ARHGAP32: variants seen among roughly 807,000 people sequenced by gnomAD.
ARHGAP32 encodes rho GTPase-activating protein 32.
ARHGAP32 carries 51 observed loss-of-function variants against 186.5 expected under a neutral mutation model. That is an observed-to-expected ratio of 0.27 (90% CI 0.22 to 0.35). The LOEUF (loss-of-function observed/expected upper bound fraction) is 0.35, where lower values mean the gene tolerates loss of function less well. Ranked by LOEUF, ARHGAP32 falls within the 10% of genes least tolerant of loss-of-function variation. The probability of loss-of-function intolerance (pLI) is 1.00; values close to 1 mark genes in which losing one functional copy is unlikely to be tolerated. For missense variants in ARHGAP32, 2,186 were observed against 2,623.5 expected (o/e 0.83, Z 3.64); for synonymous variants, 950 against 964.3 (o/e 0.99, Z 0.27).
chr11:129,028,633 C>G (rs1234786062), intron 11 of ARHGAP32, among the ~76,000 whole-genome samples: 1 of 152,082 alleles, frequency 6.6e-6, no homozygotes, highest in East Asian at 1.9e-4. Flanking sequence ...ACACACACAG[C>G]CTGGGGAGGA....
At chr11:129,142,741 T>C (rs1470407275) in intron 2 of ARHGAP32, among the ~76,000 whole-genome samples, 1 of 151,144 alleles carries the variant, frequency 6.6e-6, no homozygotes, top group Non-Finnish European at 1.5e-5. Context: ...ACCACTAAAA[T>C]ATGCATGGGG....
chr11:129,213,607 AATG>A (rs1346389863), intron 1 of ARHGAP32, among the ~76,000 whole-genome samples: 6 of 152,190 alleles, frequency 3.9e-5, no homozygotes, highest in Non-Finnish European at 4.4e-5. Flanking sequence ...GATAATATTA[AATG>A]ATGTTAGTAA....
intron 2 of ARHGAP32, among the ~76,000 whole-genome samples, chr11:129,161,034 G>A (rs1037343910): frequency 5.3e-5 from 8 of 152,062 alleles, no homozygotes; most frequent in Non-Finnish European, 8.8e-5. Flanking sequence ...TGACAAACCT[G>A]ACAAAAACAA....
chr11:128,969,793 C>T lies in ARHGAP32; in HGVS notation c.5420G>A (p.Arg1807His), dbSNP rs781447623. 56 of 1,614,014 alleles carry T rather than the reference C, an allele frequency of 3.5e-5. No individual in the cohort carries two copies. Among genetic ancestry groups the T allele is most frequent in the African/African-American group, 1.1e-4 (8 of 74,902 alleles). ...AGTTTTCCCAGGATCTGATTTACTA[C>T]GCAGATGGATGACATAGATCCCACC... ...DLGGIYVIHL[R>H]SKSDPGKTGL... is the part of the protein sequence containing the mutation. Residue 1807 changes from arginine (R) to histidine (H), a missense_variant, in exon 23 of 23, where the codon CGT becomes CAT. This residue lies in a region of ARHGAP32 where 1,502 missense variants were observed against 1,570.0 expected (regional missense o/e 0.96). Coordinates refer to ENST00000682385, the MANE Select transcript of ARHGAP32 (RefSeq NM_001378024.1). The surrounding 1 kb of genome is among the most constrained non-coding windows in gnomAD (Gnocchi z 4.8).
intron 1 of ARHGAP32, among the ~76,000 whole-genome samples, chr11:129,237,189 G>A (rs1330211582): frequency 1.3e-5 from 2 of 152,146 alleles, no homozygotes; most frequent in Non-Finnish European, 1.5e-5. Context: ...AATGTTCATC[G>A]GGGGTACTGG....
At chr11:129,115,940 A>G (rs759140773) in intron 5 of ARHGAP32, among the ~76,000 whole-genome samples, 6 of 152,112 alleles carry the variant, frequency 3.9e-5, no homozygotes, top group Non-Finnish European at 5.9e-5. Context: ...TTCAAGTTTC[A>G]TAAGTGCAGA....
Position 128,980,696 on chromosome 11 carries a change from C to T in ARHGAP32, c.1833G>A (p.Leu611=). ...SLLVSSPSTK[L]LTLEEAQART... ...GTGCCTGGGCCTCTTCCAATGTCAGCAGTTTGGTGGATGGAGAGGATACCA... is the reference window on the plus strand; with the variant it reads ...GTGCCTGGGCCTCTTCCAATGTCAGTAGTTTGGTGGATGGAGAGGATACCA... Residue 611 remains leucine (L), a synonymous_variant, in exon 18 of 23, where the codon CTG becomes CTA. Coordinates refer to ENST00000682385, the MANE Select transcript of ARHGAP32 (RefSeq NM_001378024.1). 6.2e-7 allele frequency: 1 copy of T among 1,613,916 alleles called. No individual in the cohort carries two copies. The highest frequency in any genetic ancestry group is 8.5e-7 in the Non-Finnish European group (1 of 1,179,916).
intron 2 of ARHGAP32, among the ~76,000 whole-genome samples, chr11:129,149,731 T>C (rs1943247349): frequency 6.6e-6 from 1 of 152,086 alleles, no homozygotes; most frequent in South Asian, 2.1e-4. Flanking sequence ...AACAGGATTC[T>C]ACACTACCAC....
At position 129,042,992 on chromosome 11, in the gene ARHGAP32, G is replaced by A. The variant is rs539132483; in HGVS notation, c.964-1983C>T. On this transcript the variant is annotated intron_variant, in intron 10 of 22. Coordinates refer to ENST00000682385, the MANE Select transcript of ARHGAP32 (RefSeq NM_001378024.1). ...TAAAAGTCATTCCACAAAGTGGTGT[G>A]TTTCAATGCAAAGGCTAGAGAACTG... 3.3e-5 allele frequency among the ~76,000 whole-genome samples: 5 copies of A among 152,330 alleles called. No homozygotes were observed. The East Asian group carries it at 7.7e-4, about 24-fold the overall frequency.
chr11:129,057,277 G>C (rs1033686615), intron 10 of ARHGAP32, among the ~76,000 whole-genome samples: 1 of 152,056 alleles, frequency 6.6e-6, no homozygotes, highest in Non-Finnish European at 1.5e-5. Context: ...ACTCATCAGA[G>C]AGACCCCAAG....
chr11:129,239,925 C>A (rs1944992412), intron 1 of ARHGAP32, among the ~76,000 whole-genome samples: 6 of 152,194 alleles, frequency 3.9e-5, no homozygotes. Context: ...AATTTCTTCT[C>A]CTATCTCTCA....
chr11:129,011,531 G>C (rs1305107856), intron 11 of ARHGAP32, among the ~76,000 whole-genome samples: 1 of 152,182 alleles, frequency 6.6e-6, no homozygotes, highest in Non-Finnish European at 1.5e-5. Context: ...GAGGGGTAGG[G>C]AGCCACGGGA....
intron 9 of ARHGAP32, among the ~76,000 whole-genome samples, chr11:129,063,036 T>C (rs1565403202): frequency 6.6e-6 from 1 of 152,098 alleles, no homozygotes; most frequent in East Asian, 1.9e-4. Flanking sequence ...ATATATTCAA[T>C]GGAAGTTATA....
upstream of ARHGAP32, among the ~76,000 whole-genome samples, chr11:129,193,687 T>C (rs1326613714): frequency 2.9e-5 from 1 of 34,650 alleles, no homozygotes; most frequent in African/African-American, 1.1e-4. Context: ...ATATAATATA[T>C]ATTATATAAT....
intron 11 of ARHGAP32, among the ~76,000 whole-genome samples, chr11:129,026,756 C>T (rs981680214): frequency 5.8e-5 from 8 of 138,788 alleles, no homozygotes; most frequent in Non-Finnish European, 1.1e-4. Context: ...AGCCAAGTAG[C>T]GCCATTGCAC....
In ARHGAP32 at chr11:128,972,579, T is replaced by C. The variant is rs745904219; in HGVS notation, c.3927A>G (p.Thr1309=). Residue 1309 remains threonine, a synonymous_variant, in exon 22 of 23, where the codon ACA becomes ACG. Transcript: ENST00000682385. The stretch of plus-strand genomic sequence containing the variant: ...GATTAGTTCTGTGCGTGCGCTGAAG[T>C]GTGGCAGCAGCAAAATCAGCAGTGG... ...QPTTADFAAA[T]LQRTHRTNRP... is the part of the protein sequence containing the mutation. 1.2e-6 allele frequency: 2 copies of C among 1,601,358 alleles called. No individual in the cohort carries two copies. The highest frequency in any genetic ancestry group is 1.7e-6 in the Non-Finnish European group (2 of 1,172,658).
chr11:129,243,809 T>C (rs1436301853), intron 1 of ARHGAP32, among the ~76,000 whole-genome samples: 1 of 152,100 alleles, frequency 6.6e-6, no homozygotes, highest in African/African-American at 2.4e-5. Context: ...CCAGCGAAAA[T>C]GTCATCTTCT....
rs36036048 is a variant in ARHGAP32 at position 129,002,805 on chromosome 11, A to ATTTTTTTTT, written c.1046-4346_1046-4338dup. 1.5e-4 allele frequency among the ~76,000 whole-genome samples: 16 copies of ATTTTTTTTT among 108,074 alleles called. 1 individual carries two copies. Among genetic ancestry groups the ATTTTTTTTT allele is most frequent in the Admixed American group, 3.3e-4 (3 of 9,126 alleles). The allele number at this position is 108,074 out of a possible 152,430, so 70.9% of individuals were successfully genotyped here. A position where few individuals can be genotyped will look rare whatever the true frequency, so the allele number is the denominator to read the frequency against. ...GGGGTTTTATCATGAAGGGATGTTG[A>ATTTTTTTTT]TTTTTTTTTTTTTTTTTTTTTGAGA... On this transcript the variant is annotated intron_variant, in intron 11 of 22. Coordinates refer to ENST00000682385, the MANE Select transcript of ARHGAP32 (RefSeq NM_001378024.1).
At chr11:129,152,963 A>T (rs1470977939) in intron 2 of ARHGAP32, among the ~76,000 whole-genome samples, 1 of 152,154 alleles carries the variant, frequency 6.6e-6, no homozygotes, top group Non-Finnish European at 1.5e-5. Flanking sequence ...TTTGCTGATG[A>T]TATGATCATA....
Sources: gnomAD v4.1 joint callset for allele counts (sites outside exome capture counted in the v4.1 genomes callset) on GRCh38, gnomAD v4.1.1 for gene constraint, gnomAD v4.1.1 regional missense constraint, Gnocchi (gnomAD v3.1) non-coding constraint, MANE v1.5 for transcripts, NCBI Gene and HGNC (gene_info 2026-07-23, HGNC 2026-07-21) for gene names.